Variants in PDZRN4 observed in about 807,000 individuals in gnomAD.
PDZRN4 encodes PDZ domain-containing RING finger protein 4.
PDZRN4 carries 70 observed loss-of-function variants against 99.0 expected under a neutral mutation model. The observed-to-expected ratio is 0.71, with a 90% CI of 0.58 to 0.86. The LOEUF (loss-of-function observed/expected upper bound fraction) is 0.86, where lower values mean the gene tolerates loss of function less well. Ranked by LOEUF, PDZRN4 falls within the 40% of genes least tolerant of loss-of-function variation. PDZRN4 has a pLI of 0.00. For missense variants in PDZRN4, 1,474 were observed against 1,331.2 expected, an observed-to-expected ratio of 1.11 and a Z score of -1.67; for synonymous variants, 551 against 501.6, an observed-to-expected ratio of 1.10 and a Z score of -1.32.
chr12:41,275,613 T>G (rs1446067688), intron 3 of PDZRN4, among the ~76,000 whole-genome samples: 1 of 152,086 alleles, frequency 6.6e-6, no homozygotes, highest in Non-Finnish European at 1.5e-5. Context: ...GTTGGTGTAA[T>G]TTTTATTTAT....
At chr12:41,417,722 A>G (rs761117642) in intron 3 of PDZRN4, among the ~76,000 whole-genome samples, 1 of 152,326 alleles carries the variant, frequency 6.6e-6, no homozygotes, top group Non-Finnish European at 1.5e-5. Flanking sequence ...TTGCATTCTC[A>G]GATAGGTGAT....
chr12:41,503,123 G>GA (rs555971923), intron 3 of PDZRN4, among the ~76,000 whole-genome samples: 7 of 149,906 alleles, frequency 4.7e-5, no homozygotes, highest in Admixed American at 2.0e-4. Context: ...CAAGTGAAGT[G>GA]AAAAAAAAAT....
At chr12:41,417,366 C>T (rs1369900856) in intron 3 of PDZRN4, among the ~76,000 whole-genome samples, 1 of 152,128 alleles carries the variant, frequency 6.6e-6, no homozygotes, top group East Asian at 1.9e-4. Flanking sequence ...ATAGCATTAC[C>T]TAATTTCAAG....
At chr12:41,262,689 G>A (rs1198287400) in intron 3 of PDZRN4, among the ~76,000 whole-genome samples, 2 of 151,294 alleles carry the variant, frequency 1.3e-5, no homozygotes, top group East Asian at 3.9e-4. Flanking sequence ...AACTATAGAA[G>A]TGATCACTGA....
chr12:41,551,451 C>A (rs1228835737), intron 5 of PDZRN4, among the ~76,000 whole-genome samples: 1 of 152,146 alleles, frequency 6.6e-6, no homozygotes, highest in Non-Finnish European at 1.5e-5. Context: ...TTTACACACA[C>A]ACACACCTCA....
intron 3 of PDZRN4, among the ~76,000 whole-genome samples, chr12:41,501,834 G>C (rs17129419): frequency 6.6e-6 from 1 of 152,054 alleles, no homozygotes; most frequent in African/African-American, 2.4e-5. Context: ...GGGATGAGGC[G>C]AAGACCTTCT....
intron 3 of PDZRN4, among the ~76,000 whole-genome samples, chr12:41,332,632 G>T (rs1951747562): frequency 6.6e-6 from 1 of 151,438 alleles, no homozygotes; most frequent in South Asian, 2.1e-4. Flanking sequence ...AGGAAGAGTG[G>T]GTCCAAAGCA....
chr12:41,276,226 T>C (rs1951348991), intron 3 of PDZRN4, among the ~76,000 whole-genome samples: 1 of 152,130 alleles, frequency 6.6e-6, no homozygotes, highest in African/African-American at 2.4e-5. Context: ...ATATTTGTGG[T>C]ATTAAAATTT....
At chr12:41,243,303 ATTTGT>A (rs1250078749) in intron 3 of PDZRN4, among the ~76,000 whole-genome samples, 2 of 152,308 alleles carry the variant, frequency 1.3e-5, no homozygotes, top group Admixed American at 6.5e-5. Flanking sequence ...TACCCTTTGG[ATTTGT>A]TTTAATTTTT....
At chr12:41,369,679 T>C (rs1156252347) in intron 3 of PDZRN4, among the ~76,000 whole-genome samples, 1 of 152,046 alleles carries the variant, frequency 6.6e-6, no homozygotes, top group Non-Finnish European at 1.5e-5. Context: ...CATTTTTAAA[T>C]AAAGTATACA....
chr12:41,302,417 C>T (rs1951542220), intron 3 of PDZRN4, among the ~76,000 whole-genome samples: 1 of 151,974 alleles, frequency 6.6e-6, no homozygotes, highest in African/African-American at 2.4e-5. Context: ...GGGTGTACAC[C>T]CCAGTTTTTA....
At chr12:41,487,207 C>G (rs541578236) in intron 3 of PDZRN4, among the ~76,000 whole-genome samples, 30 of 151,750 alleles carry the variant, frequency 2.0e-4, no homozygotes, top group Non-Finnish European at 3.2e-4. Flanking sequence ...TTGACATTAT[C>G]TCAGTGCCTA....
intron 3 of PDZRN4, among the ~76,000 whole-genome samples, chr12:41,394,530 A>G (rs1282685008): frequency 6.6e-6 from 1 of 152,184 alleles, no homozygotes; most frequent in Admixed American, 6.5e-5. Context: ...TCTGTGGGTC[A>G]GGAATCCAGC....
chr12:41,526,629 T>G (rs1217428179), intron 5 of PDZRN4, among the ~76,000 whole-genome samples: 1 of 152,194 alleles, frequency 6.6e-6, no homozygotes, highest in Non-Finnish European at 1.5e-5. Flanking sequence ...ATACTTGTTT[T>G]TCACTGCTTT....
chr12:41,339,490 A>G (rs77735620), intron 3 of PDZRN4, among the ~76,000 whole-genome samples: 9,868 of 152,166 alleles, frequency 0.065, 804 homozygotes, highest in East Asian at 0.18. Context: ...ACATTGGAGA[A>G]TCTCTCCAGG....
chr12:41,194,251 C>A, intron 3 of PDZRN4, 63 bp downstream of exon 3: 1 of 793,480 alleles, frequency 1.3e-6, no homozygotes, highest in South Asian at 1.5e-5. Flanking sequence ...TTTAAGTTTT[C>A]AAATTTACCA....
intron 8 of PDZRN4, among the ~76,000 whole-genome samples, chr12:41,565,660 T>C (rs779313311): frequency 5.3e-5 from 8 of 152,132 alleles, no homozygotes; most frequent in Admixed American, 2.6e-4. Flanking sequence ...GGGGGCAGTA[T>C]TGTACATCTG....
intron 3 of PDZRN4, among the ~76,000 whole-genome samples, chr12:41,353,372 A>G (rs553983153): frequency 1.3e-5 from 2 of 152,102 alleles, no homozygotes; most frequent in South Asian, 4.1e-4. Context: ...ATGTCCTCCT[A>G]TATGAGCATT....
At chr12:41,192,900 A>G (rs1274241231) in intron 2 of PDZRN4, among the ~76,000 whole-genome samples, 1 of 152,230 alleles carries the variant, frequency 6.6e-6, no homozygotes, top group Non-Finnish European at 1.5e-5. Context: ...TCCTGTGTCA[A>G]CTTAATTTTC....
Sources: allele counts gnomAD v4.1 joint callset (sites outside exome capture counted in the v4.1 genomes callset), GRCh38; gene constraint gnomAD v4.1.1; transcripts MANE v1.5; gene names NCBI Gene and HGNC (gene_info 2026-07-23, HGNC 2026-07-21).